Variants in RABGAP1 observed in about 807,000 individuals in gnomAD.
RABGAP1 encodes the protein RAB GTPase activating protein 1.
In RABGAP1, 23 loss-of-function variants were observed where a neutral mutation model predicts 137.6. That is an observed-to-expected ratio of 0.17 (90% confidence interval 0.12 to 0.24). The LOEUF (loss-of-function observed/expected upper bound fraction) is 0.24, where lower values mean the gene tolerates loss of function less well. Among genes scored for constraint, RABGAP1 ranks in the 10% least tolerant of loss-of-function variants. The pLI, the probability that RABGAP1 is intolerant of heterozygous loss-of-function variation, is 1.00. For synonymous variants in RABGAP1, 451 were observed against 450.7 expected (o/e 1.00, Z -0.01); for missense variants, 906 against 1,275.8 (o/e 0.71, Z 4.42).
rs2033404560 is a variant in RABGAP1, at chr9:123,050,447, G to C, written c.1795-14901G>C. On this transcript the variant is annotated intron_variant, in intron 13 of 25. Transcript: ENST00000373647. ...AAATCCCTGCTGTTGCACTGGTGTG[G>C]AAGAACAGCATCACAGCACAGAGAG... Among the ~76,000 whole-genome samples, 4 of 152,206 alleles carry C rather than the reference G, an allele frequency of 2.6e-5. No individual in the cohort carries two copies. In the South Asian group the frequency reaches 8.3e-4, roughly 31 times the overall value.
chr9:123,004,357 G>A (rs968802876), intron 10 of RABGAP1, among the ~76,000 whole-genome samples: 4 of 151,770 alleles, frequency 2.6e-5, no homozygotes, highest in African/African-American at 4.8e-5. Context: ...TCAAAAGCAC[G>A]GCTCGCTACA....
chr9:123,000,884 A>G (rs913107506), intron 10 of RABGAP1, among the ~76,000 whole-genome samples: 4 of 152,080 alleles, frequency 2.6e-5, no homozygotes, highest in Non-Finnish European at 2.9e-5. Flanking sequence ...TCAACATAAT[A>G]GTAGCCTAAG....
intron 2 of RABGAP1, among the ~76,000 whole-genome samples, chr9:122,964,715 G>A (rs552463768): frequency 2.0e-5 from 3 of 152,330 alleles, no homozygotes; most frequent in Admixed American, 2.0e-4. Flanking sequence ...AGGGCCAGGT[G>A]CAGTGGCTCA....
upstream of RABGAP1, among the ~76,000 whole-genome samples, chr9:122,937,196 A>G (rs1050609100): frequency 6.6e-6 from 1 of 152,264 alleles, no homozygotes; most frequent in Non-Finnish European, 1.5e-5. Flanking sequence ...AAGTATGGTC[A>G]ATTCAGAAGA....
At chr9:123,039,944 G>A (rs532456184) in intron 13 of RABGAP1, among the ~76,000 whole-genome samples, 2 of 152,220 alleles carry the variant, frequency 1.3e-5, no homozygotes, top group East Asian at 3.9e-4. Flanking sequence ...CCAGAAAGAA[G>A]TATTTCCTTG....
chr9:123,101,148 T>C (rs1402803437), intron 24 of RABGAP1, among the ~76,000 whole-genome samples: 1 of 152,242 alleles, frequency 6.6e-6, no homozygotes. Context: ...TCCAATGTTA[T>C]AAAAGTTCCT....
At chr9:123,047,662 T>G (rs1223060538) in intron 13 of RABGAP1, among the ~76,000 whole-genome samples, 2 of 152,082 alleles carry the variant, frequency 1.3e-5, no homozygotes, top group Non-Finnish European at 2.9e-5. Flanking sequence ...TTTTCTTATA[T>G]GTTGAGCTCA....
intron 19 of RABGAP1, among the ~76,000 whole-genome samples, chr9:123,087,944 AG>A (rs1455918412): frequency 6.6e-6 from 1 of 152,028 alleles, no homozygotes; most frequent in Non-Finnish European, 1.5e-5. Flanking sequence ...TGAGAGTCCT[AG>A]TTACCTGGAC....
At chr9:123,098,041 C>G (rs1351202388) in intron 22 of RABGAP1, among the ~76,000 whole-genome samples, 196 bp downstream of exon 22, 3 of 152,142 alleles carry the variant, frequency 2.0e-5, no homozygotes, top group Non-Finnish European at 2.9e-5. Flanking sequence ...GGGTTGAAGC[C>G]CATCCTTTGT....
chr9:123,070,478 CTAA>C lies in RABGAP1; in HGVS notation c.1983+55_1983+57del. 6.2e-7 allele frequency: 1 copy of C among 1,612,702 alleles called. No individual in the cohort carries two copies. The highest frequency in any genetic ancestry group is 8.5e-7 in the Non-Finnish European group (1 of 1,179,380). Reference sequence around the variant, plus strand: ...AACACATGGCCTCCCTCAGCTTATACTAACCTTAGGCTTGAGCATGGTTTTATA... The same window carrying C: ...AACACATGGCCTCCCTCAGCTTATACCCTTAGGCTTGAGCATGGTTTTATA... On this transcript the variant is annotated intron_variant, in intron 15 of 25. Transcript: ENST00000373647. The surrounding 1 kb of genome is among the most constrained non-coding windows in gnomAD (Gnocchi z 4.4).
At chr9:123,008,544 CAA>C (rs34127466) in intron 10 of RABGAP1, among the ~76,000 whole-genome samples, 17 of 53,094 alleles carry the variant, frequency 3.2e-4, no homozygotes, top group Admixed American at 4.0e-4. Context: ...GACTCCATCT[CAA>C]AAAAAAAAAA....
chr9:122,947,795 CTTAAA>C (rs1834020124), intron 1 of RABGAP1, among the ~76,000 whole-genome samples: 1 of 152,070 alleles, frequency 6.6e-6, no homozygotes, highest in Non-Finnish European at 1.5e-5. Context: ...AATCAGAAAG[CTTAAA>C]TTATTATGAT....
chr9:123,079,239 GTT>G (rs56098560), intron 19 of RABGAP1, among the ~76,000 whole-genome samples: 193 of 106,628 alleles, frequency 1.8e-3, no homozygotes, highest in South Asian at 3.3e-3. Flanking sequence ...GTTTTGTTTT[GTT>G]TTTTTTTTTT....
intron 1 of RABGAP1, among the ~76,000 whole-genome samples, chr9:122,953,935 A>T (rs1834382217): frequency 6.6e-6 from 1 of 152,214 alleles, no homozygotes; most frequent in South Asian, 2.1e-4. Flanking sequence ...TTAATCAGAC[A>T]TAAAAAAGCC....
rs571468298 is a variant in RABGAP1 at position 123,104,676 on chromosome 9, C to G, written c.*1463C>G. 2 of 152,528 alleles carry G rather than the reference C, an allele frequency of 1.3e-5. No homozygotes were observed. Among genetic ancestry groups the G allele is most frequent in the African/African-American group, 2.4e-5 (1 of 41,578 alleles). The allele number at this position is 152,528 out of a possible 1,614,324, so 9.4% of individuals were successfully genotyped here. A position where few individuals can be genotyped will look rare whatever the true frequency, so the allele number is the denominator to read the frequency against. Reference sequence around the variant, plus strand: ...CACCAACCATCCCCTTTGCTGCTTTCTGTGTCTTTCTTGTTCAGTTACCAA... The same window carrying G: ...CACCAACCATCCCCTTTGCTGCTTTGTGTGTCTTTCTTGTTCAGTTACCAA... On this transcript the variant is annotated 3_prime_UTR_variant, in exon 26 of 26. Transcript: ENST00000373647.
intron 10 of RABGAP1, among the ~76,000 whole-genome samples, chr9:123,004,450 A>C (rs1325292552): frequency 6.6e-6 from 1 of 151,906 alleles, no homozygotes; most frequent in Non-Finnish European, 1.5e-5. Context: ...ATGCCTGGCT[A>C]ATTTTTTAAT....
intron 13 of RABGAP1, chr9:123,035,624 C>G (rs746022653): frequency 6.6e-7 from 1 of 1,515,168 alleles, no homozygotes; most frequent in South Asian, 1.2e-5. Flanking sequence ...TGAAGTGGCT[C>G]AGTTACGGGG....
intron 6 of RABGAP1, among the ~76,000 whole-genome samples, chr9:122,992,081 G>C (rs1449301561): frequency 1.3e-5 from 2 of 151,606 alleles, no homozygotes; most frequent in Non-Finnish European, 2.9e-5. Context: ...CTGTCACCAA[G>C]GCTGGAATGT....
chr9:122,964,225 C>A (rs982085509), intron 2 of RABGAP1, among the ~76,000 whole-genome samples: 1 of 152,158 alleles, frequency 6.6e-6, no homozygotes, highest in African/African-American at 2.4e-5. Flanking sequence ...TATGAGAACA[C>A]CATTACCCTG....
Sources: gnomAD v4.1 joint callset for allele counts (sites outside exome capture counted in the v4.1 genomes callset) on GRCh38, gnomAD v4.1.1 for gene constraint, Gnocchi (gnomAD v3.1) non-coding constraint, MANE v1.5 for transcripts, NCBI Gene and HGNC (gene_info 2026-07-23, HGNC 2026-07-21) for gene names.